The following ZMIZ1 variants were observed in gnomAD, a reference collection of about 807,000 sequenced individuals.
The protein encoded by ZMIZ1 is zinc finger MIZ domain-containing protein 1.
ZMIZ1 carries 17 observed loss-of-function variants against 113.9 expected under a neutral mutation model. That is an observed-to-expected ratio of 0.15 (90% CI 0.10 to 0.22). The LOEUF is 0.22. Among genes scored for constraint, ZMIZ1 ranks in the 10% least tolerant of loss-of-function variants. The probability of loss-of-function intolerance (pLI) is 1.00; values close to 1 mark genes in which losing one functional copy is unlikely to be tolerated. For missense variants in ZMIZ1, 1,059 were observed against 1,477.8 expected, an observed-to-expected ratio of 0.72 and a Z score of 4.65; for synonymous variants, 607 against 603.1, an observed-to-expected ratio of 1.01 and a Z score of -0.09.
chr10:79,216,623 C>CAA lies in ZMIZ1; in HGVS notation c.280+350_280+351insAA, dbSNP rs545253053. ...TAAGCACTGTGAGCTCCCCATTTTA[C>CAA]ACATGAGGAAACTGAGGCTCACAAA... On this transcript the variant is annotated intron_variant, in intron 7 of 24. Coordinates refer to ENST00000334512, the MANE Select transcript of ZMIZ1 (RefSeq NM_020338.4). Among the ~76,000 whole-genome samples, 159 of 152,296 alleles carry CAA rather than the reference C, an allele frequency of 1.0e-3. 1 individual carries two copies. Among genetic ancestry groups the CAA allele is most frequent in the Admixed American group, 1.4e-3 (21 of 15,302 alleles).
At position 79,306,313 on chromosome 10, in the gene ZMIZ1, G is replaced by A. The variant is rs753077748; in HGVS notation, c.2637G>A (p.Gly879=). 25 of 1,612,370 alleles carry A rather than the reference G, an allele frequency of 1.6e-5. No homozygotes were observed. The highest frequency in any genetic ancestry group is 2.2e-5 in the South Asian group (2 of 91,088). The part of the protein sequence containing the change: ...PSPYPLPPPP[G]GTNSNDYSSQ... ...CCTATCCCCTCCCGCCTCCCCCAGG[G>A]GGCACCAACTCCAACGACTACAGCA... Residue 879 remains glycine, a synonymous_variant, in exon 22 of 25, where the codon GGG becomes GGA. Coordinates refer to ENST00000334512, the MANE Select transcript of ZMIZ1 (RefSeq NM_020338.4).
chr10:79,107,274 G>A (rs184284731), intron 1 of ZMIZ1, among the ~76,000 whole-genome samples: 3 of 152,194 alleles, frequency 2.0e-5, no homozygotes, highest in African/African-American at 4.8e-5. Context: ...GTAGCCTAGC[G>A]GGTTAGACCT....
At chr10:79,250,950 G>A (rs188137047) in intron 7 of ZMIZ1, among the ~76,000 whole-genome samples, 53 of 152,310 alleles carry the variant, frequency 3.5e-4, no homozygotes, top group African/African-American at 1.1e-3. Context: ...GCCTTCAGGC[G>A]CAAGGCCGGA....
intron 1 of ZMIZ1, among the ~76,000 whole-genome samples, chr10:79,116,480 C>T (rs938560872): frequency 6.6e-5 from 10 of 152,104 alleles, no homozygotes; most frequent in Non-Finnish European, 1.3e-4. Context: ...GAGAAGGTGC[C>T]ACCTGACTGC....
At chr10:79,146,100 G>A (rs1435377576) in intron 3 of ZMIZ1, among the ~76,000 whole-genome samples, 1 of 152,148 alleles carries the variant, frequency 6.6e-6, no homozygotes, top group African/African-American at 2.4e-5. Flanking sequence ...CTGGAGTCCT[G>A]GGGGTCAGGC....
At chr10:79,095,385 T>A (rs868554935) in intron 1 of ZMIZ1, among the ~76,000 whole-genome samples, 13 of 152,230 alleles carry the variant, frequency 8.5e-5, no homozygotes, top group Admixed American at 2.6e-4. Flanking sequence ...ACAATAACCA[T>A]GATACCGATA....
In ZMIZ1 at chr10:79,146,945, CGTGTGTGTGTGTGT is replaced by C. The variant is rs66763458; in HGVS notation, c.-131+7183_-131+7196del. On this transcript the variant is annotated intron_variant, in intron 3 of 24. Transcript: ENST00000334512. ...AGTGGCTGTGCGTGTGTGTAGTGTA[CGTGTGTGTGTGTGT>C]GTGTGTGTGTGTGTATATCCCTGTC... Among the ~76,000 whole-genome samples, 14 of 137,826 alleles carry C rather than the reference CGTGTGTGTGTGTGT, an allele frequency of 1.0e-4. No individual in the cohort carries two copies. The South Asian group carries it at 2.7e-3, about 26-fold the overall frequency. The allele number at this position is 137,826 out of a possible 152,430, so 90.4% of individuals were successfully genotyped here.
chr10:79,250,986 C>T lies in ZMIZ1; in HGVS notation c.281-26195C>T, dbSNP rs76991450. Among the ~76,000 whole-genome samples, 854 of 152,172 alleles carry T rather than the reference C, an allele frequency of 5.6e-3. 6 individuals carry two copies. Among genetic ancestry groups the T allele is most frequent in the African/African-American group, 0.02 (823 of 41,496 alleles). On this transcript the variant is annotated intron_variant, in intron 7 of 24. Coordinates refer to ENST00000334512, the MANE Select transcript of ZMIZ1 (RefSeq NM_020338.4). ...AGACCATCCTGGGGAACAGACCACG[C>T]GCAGGGAGAAGGCACAGGAAGCTGG... is the stretch of plus-strand genomic sequence containing the variant.
chr10:79,184,709 G>A (rs746535000), intron 4 of ZMIZ1, among the ~76,000 whole-genome samples: 17 of 152,186 alleles, frequency 1.1e-4, no homozygotes, highest in African/African-American at 1.7e-4. Flanking sequence ...CAATGGAGCC[G>A]TGTGAGCGAG....
chr10:79,151,706 C>T (rs775474011), intron 3 of ZMIZ1, among the ~76,000 whole-genome samples: 7 of 152,194 alleles, frequency 4.6e-5, no homozygotes, highest in Admixed American at 2.6e-4. Flanking sequence ...GTCCCACCGG[C>T]GTGGGGTTGT....
chr10:79,142,111 GA>G (rs1845296581), intron 3 of ZMIZ1, among the ~76,000 whole-genome samples: 1 of 152,200 alleles, frequency 6.6e-6, no homozygotes, highest in African/African-American at 2.4e-5. Flanking sequence ...TGGTAGAAGG[GA>G]GGTGGTTATT....
intron 1 of ZMIZ1, among the ~76,000 whole-genome samples, chr10:79,106,884 A>G (rs1843579790): frequency 1.3e-5 from 2 of 152,202 alleles, no homozygotes; most frequent in Admixed American, 1.3e-4. Flanking sequence ...ATTTTCTAGG[A>G]CAGCCCTGGT....
intron 2 of ZMIZ1, among the ~76,000 whole-genome samples, chr10:79,130,994 G>T (rs1030830999): frequency 3.9e-5 from 6 of 152,024 alleles, no homozygotes; most frequent in Non-Finnish European, 7.4e-5. Flanking sequence ...CTGCACCCCC[G>T]CCTGACATCT....
At chr10:79,212,598 A>G (rs1223711517) in intron 6 of ZMIZ1, among the ~76,000 whole-genome samples, 1 of 152,060 alleles carries the variant, frequency 6.6e-6, no homozygotes, top group Non-Finnish European at 1.5e-5. Context: ...CTAAAAGTAC[A>G]AAAGAAAATT....
intron 1 of ZMIZ1, among the ~76,000 whole-genome samples, chr10:79,073,874 G>C (rs945279975): frequency 2.0e-5 from 3 of 152,214 alleles, no homozygotes; most frequent in Non-Finnish European, 4.4e-5. Flanking sequence ...TTGACTGTGA[G>C]TGTCCACCCT....
At chr10:79,111,176 C>T (rs910120210) in intron 1 of ZMIZ1, among the ~76,000 whole-genome samples, 1 of 152,100 alleles carries the variant, frequency 6.6e-6, no homozygotes, top group Admixed American at 6.5e-5. Context: ...ATGCAATGTC[C>T]CCATCCTAGC....
At chr10:79,280,133 A>T (rs1456620145) in intron 8 of ZMIZ1, among the ~76,000 whole-genome samples, 2 of 151,856 alleles carry the variant, frequency 1.3e-5, no homozygotes, top group African/African-American at 4.8e-5. Flanking sequence ...GACCACAGGC[A>T]TTCACCACCA....
intron 2 of ZMIZ1, among the ~76,000 whole-genome samples, chr10:79,120,297 A>G (rs895542096): frequency 6.6e-6 from 1 of 152,314 alleles, no homozygotes; most frequent in African/African-American, 2.4e-5. Context: ...ACATGCACAA[A>G]CTCGTGTTGG....
At chr10:79,157,374 T>G (rs990336986) in intron 3 of ZMIZ1, among the ~76,000 whole-genome samples, 7 of 139,436 alleles carry the variant, frequency 5.0e-5, no homozygotes, top group African/African-American at 1.9e-4. Context: ...AAGGGGTGTG[T>G]GTGTGTGTGT....
Sources: allele counts gnomAD v4.1 joint callset (sites outside exome capture counted in the v4.1 genomes callset), GRCh38; gene constraint gnomAD v4.1.1; transcripts MANE v1.5; gene names NCBI Gene and HGNC (gene_info 2026-07-23, HGNC 2026-07-21).